Variants in C3orf70 observed in about 807,000 individuals in gnomAD.
The protein encoded by C3orf70 is UPF0524 protein C3orf70.
C3orf70 carries 15 observed loss-of-function variants against 20.7 expected under a neutral mutation model. The ratio of observed to expected loss-of-function variants is 0.72; its 90% CI spans 0.48 to 1.11. The LOEUF (loss-of-function observed/expected upper bound fraction) is 1.11. Ranked by LOEUF, C3orf70 falls within the 50% of genes most tolerant of loss-of-function variation. The pLI, the probability that C3orf70 is intolerant of heterozygous loss-of-function variation, is 0.00. For missense variants in C3orf70, 332 were observed against 317.6 expected (o/e 1.05, Z -0.34); for synonymous variants, 161 against 125.7 (o/e 1.28, Z -1.88).
At chr3:185,119,313 G>A (rs958045099) in intron 1 of C3orf70, among the ~76,000 whole-genome samples, 5 of 152,112 alleles carry the variant, frequency 3.3e-5, no homozygotes, top group Admixed American at 1.3e-4. Flanking sequence ...AGTACAGCAC[G>A]GTGACTATAG....
intron 1 of C3orf70, among the ~76,000 whole-genome samples, chr3:185,137,519 C>T (rs1289764442): frequency 6.6e-6 from 1 of 152,212 alleles, no homozygotes; most frequent in Non-Finnish European, 1.5e-5. Context: ...GTCCATGACA[C>T]TTGACCCATA....
chr3:185,109,421 G>C (rs1049814451), intron 1 of C3orf70, among the ~76,000 whole-genome samples: 2 of 152,212 alleles, frequency 1.3e-5, no homozygotes, highest in African/African-American at 2.4e-5. Flanking sequence ...CAGATGCCGA[G>C]GAAGAGATTC....
At chr3:185,148,386 C>T (rs1716918283) in intron 1 of C3orf70, among the ~76,000 whole-genome samples, 1 of 152,172 alleles carries the variant, frequency 6.6e-6, no homozygotes. Context: ...CCACCATCCA[C>T]AGCTGCATAA....
In C3orf70 at chr3:185,081,521, TG is replaced by T. The variant is rs1715337340; in HGVS notation, c.*1485del. ...AGAGTGCGCTTCTGGATAGTTAGGA[TG>T]GAAGTACTGTTCTGTCTCCAACTCT... On this transcript the variant is annotated 3_prime_UTR_variant, in exon 2 of 2. Coordinates refer to ENST00000335012, the MANE Select transcript of C3orf70 (RefSeq NM_001025266.3). 1 of 152,136 alleles carries T rather than the reference TG, an allele frequency of 6.6e-6. No individual in the cohort carries two copies. The highest frequency in any genetic ancestry group is 1.5e-5 in the Non-Finnish European group (1 of 68,038). The allele number at this position is 152,136 out of a possible 1,614,324, so 9.4% of individuals were successfully genotyped here. A position where few individuals can be genotyped will look rare whatever the true frequency, so the allele number is the denominator to read the frequency against.
intron 1 of C3orf70, among the ~76,000 whole-genome samples, chr3:185,084,800 T>C (rs894463606): frequency 1.3e-5 from 2 of 152,188 alleles, no homozygotes; most frequent in African/African-American, 2.4e-5. Context: ...TCTGTAAGTC[T>C]AAAGTGATTT....
rs1362057859 is a variant in C3orf70, at chr3:185,080,061, C to G, written c.*2946G>C. 1 of 152,558 alleles carries G rather than the reference C, an allele frequency of 6.6e-6. No homozygotes were observed. Among genetic ancestry groups the G allele is most frequent in the Non-Finnish European group, 1.5e-5 (1 of 68,024 alleles). 9.5% of individuals were successfully genotyped at this position (152,558 alleles called of 1,614,324 possible). On this transcript the variant is annotated 3_prime_UTR_variant, in exon 2 of 2. Coordinates refer to ENST00000335012, the MANE Select transcript of C3orf70 (RefSeq NM_001025266.3). ...GGAATGCAAGCATAAAGAAACAATT[C>G]CAGTTCAATAACATATTTCAGAGTG...
intron 1 of C3orf70, among the ~76,000 whole-genome samples, chr3:185,095,735 CTTTTT>C (rs756180408): frequency 4.7e-5 from 6 of 127,556 alleles, no homozygotes; most frequent in Admixed American, 1.7e-4. Flanking sequence ...CATTCTGAAA[CTTTTT>C]TTTTTTTTTT....
In C3orf70 at chr3:185,078,495, G is replaced by A. The variant is rs1430389253; in HGVS notation, c.*4512C>T. The stretch of plus-strand genomic sequence containing the variant: ...TGAATAATTCCAAAATTAATGTTGA[G>A]AAGTGCCCTATTTCTGTGTTGATGT... On this transcript the variant is annotated 3_prime_UTR_variant, in exon 2 of 2. Transcript: ENST00000335012. 6.6e-6 allele frequency: 1 copy of A among 152,212 alleles called. No homozygotes were observed. The highest frequency in any genetic ancestry group is 1.5e-5 in the Non-Finnish European group (1 of 68,038). 9.4% of individuals were successfully genotyped at this position (152,212 alleles called of 1,614,324 possible).
intron 1 of C3orf70, among the ~76,000 whole-genome samples, chr3:185,136,165 A>T (rs536346969): frequency 2.9e-4 from 44 of 152,354 alleles, no homozygotes; most frequent in African/African-American, 1.0e-3. Flanking sequence ...GGCTATATTA[A>T]TATCAACTAA....
rs989578494 is a variant in C3orf70, at chr3:185,125,853, G to C, written c.196+26775C>G. On this transcript the variant is annotated intron_variant, in intron 1 of 1. Coordinates refer to ENST00000335012, the MANE Select transcript of C3orf70 (RefSeq NM_001025266.3). Reference sequence around the variant, plus strand: ...ACATTCTGAAAAACACAAAACTCTAGGGCATAAAAACAGGTTAGCAGTTAC... The same window carrying C: ...ACATTCTGAAAAACACAAAACTCTACGGCATAAAAACAGGTTAGCAGTTAC... Among the ~76,000 whole-genome samples, 2 of 152,070 alleles carry C rather than the reference G, an allele frequency of 1.3e-5. 1 individual carries two copies. Among genetic ancestry groups the C allele is most frequent in the South Asian group, 4.2e-4 (2 of 4,812 alleles).
chr3:185,137,014 CCT>C (rs2108604507), intron 1 of C3orf70, among the ~76,000 whole-genome samples: 1 of 152,234 alleles, frequency 6.6e-6, no homozygotes. Flanking sequence ...TACGTAAACC[CCT>C]CTGATATGGT....
At position 185,078,307 on chromosome 3, in the gene C3orf70, T is replaced by C. The variant is rs1401329488; in HGVS notation, c.*4700A>G. On this transcript the variant is annotated 3_prime_UTR_variant, in exon 2 of 2. Transcript: ENST00000335012. ...AGAAGCTCAATATTAAAGCCGCTAG[T>C]GATAAGTCGCTTTGAGAAGTGTTCA... The C allele has an allele frequency of 6.6e-6, 1 of 152,610 alleles. No individual in the cohort carries two copies. The highest frequency in any genetic ancestry group is 2.4e-5 in the African/African-American group (1 of 41,460). The allele number at this position is 152,610 out of a possible 1,614,324, so 9.5% of individuals were successfully genotyped here. A position where few individuals can be genotyped will look rare whatever the true frequency, so the allele number is the denominator to read the frequency against.
At chr3:185,096,958 C>G (rs915164365) in intron 1 of C3orf70, among the ~76,000 whole-genome samples, 2 of 152,122 alleles carry the variant, frequency 1.3e-5, no homozygotes, top group African/African-American at 4.8e-5. Flanking sequence ...GAACCCCCAG[C>G]CTTGGTGAAA....
At chr3:185,152,530 G>A in intron 1 of C3orf70, 98 bp downstream of exon 1, 7 of 1,123,172 alleles carry the variant, frequency 6.2e-6, no homozygotes, top group Non-Finnish European at 8.5e-6. Context: ...GGCAGAGCCC[G>A]GAGCCCCGCG....
chr3:185,113,553 ATAAC>A (rs1161763568), intron 1 of C3orf70, among the ~76,000 whole-genome samples: 1 of 152,254 alleles, frequency 6.6e-6, no homozygotes, highest in Admixed American at 6.5e-5. Context: ...GGACCTATAA[ATAAC>A]TAACACTAGT....
chr3:185,085,701 G>A (rs1715445042), intron 1 of C3orf70, among the ~76,000 whole-genome samples: 1 of 137,994 alleles, frequency 7.2e-6, no homozygotes, highest in African/African-American at 3.1e-5. Flanking sequence ...GTTAAAATCA[G>A]GTCAGATGTA....
rs1561317342 is a variant in C3orf70 at position 185,077,652 on chromosome 3, C to CG, written c.*5354_*5355insC. Among the ~76,000 whole-genome samples the CG allele has an allele frequency of 2.0e-5, 3 of 152,132 alleles. No individual in the cohort carries two copies. Among genetic ancestry groups the CG allele is most frequent in the African/African-American group, 7.2e-5 (3 of 41,414 alleles). On this transcript the variant is annotated 3_prime_UTR_variant, in exon 2 of 2. Coordinates refer to ENST00000335012, the MANE Select transcript of C3orf70 (RefSeq NM_001025266.3). ...GAGTCTTGGTGACCAAGCGACCCCC[C>CG]CAAGCTCTGCCGGGCAGCAGCCTCC...
At chr3:185,084,326 A>G (rs111239708) in intron 1 of C3orf70, among the ~76,000 whole-genome samples, 75 of 151,904 alleles carry the variant, frequency 4.9e-4, no homozygotes, top group African/African-American at 1.7e-3. Flanking sequence ...ATTATGGGAG[A>G]TTTTCACTTT....
intron 1 of C3orf70, among the ~76,000 whole-genome samples, chr3:185,127,801 T>C (rs549572530): frequency 7.3e-4 from 111 of 152,100 alleles, no homozygotes; most frequent in African/African-American, 2.7e-3. Flanking sequence ...ATCCATATAA[T>C]CAACATGTGA....
Sources: allele counts gnomAD v4.1 joint callset (sites outside exome capture counted in the v4.1 genomes callset), GRCh38; gene constraint gnomAD v4.1.1; transcripts MANE v1.5; gene names NCBI Gene and HGNC (gene_info 2026-07-23, HGNC 2026-07-21).